The following RAB27B variants were observed in gnomAD, a reference collection of about 807,000 sequenced individuals.
The protein encoded by RAB27B is ras-related protein Rab-27B.
Under a neutral mutation model 24.6 loss-of-function variants are expected in RAB27B, and 15 were observed. That is an observed-to-expected ratio of 0.61 (90% CI 0.41 to 0.94). The LOEUF (loss-of-function observed/expected upper bound fraction) is 0.94. Ranked by LOEUF, RAB27B falls within the 40% of genes least tolerant of loss-of-function variation. The pLI is 0.00. For missense variants in RAB27B, 261 were observed against 266.8 expected (o/e 0.98, Z 0.15); for synonymous variants, 105 against 92.5 (o/e 1.14, Z -0.78).
chr18:54,810,904 C>T (rs999529716), intron 2 of RAB27B, among the ~76,000 whole-genome samples: 14 of 151,546 alleles, frequency 9.2e-5, no homozygotes, highest in Admixed American at 7.9e-4. Context: ...GTGAACCCTC[C>T]CCCTGCAATT....
intron 1 of RAB27B, among the ~76,000 whole-genome samples, chr18:54,870,522 A>G (rs886828134): frequency 6.6e-6 from 1 of 152,188 alleles, no homozygotes; most frequent in Non-Finnish European, 1.5e-5. Flanking sequence ...AAAGTGGATA[A>G]GAAAACACAA....
chr18:54,862,361 G>C (rs749984533), intron 1 of RAB27B, among the ~76,000 whole-genome samples: 2 of 152,126 alleles, frequency 1.3e-5, no homozygotes, highest in African/African-American at 2.4e-5. Context: ...GGAGAAATCC[G>C]CAAGCTATGT....
At chr18:54,823,999 A>G (rs925085126), upstream of RAB27B, among the ~76,000 whole-genome samples, 8 of 151,848 alleles carry the variant, frequency 5.3e-5, no homozygotes, top group Non-Finnish European at 8.8e-5. Flanking sequence ...TTATATGTCT[A>G]ATTGGTTTGC....
intron 1 of RAB27B, among the ~76,000 whole-genome samples, chr18:54,837,132 T>A (rs575522910): frequency 6.6e-6 from 1 of 152,284 alleles, no homozygotes; most frequent in South Asian, 2.1e-4. Context: ...CATGAGCAGA[T>A]AATTTTAATG....
intron 1 of RAB27B, among the ~76,000 whole-genome samples, chr18:54,852,927 C>A (rs750072221): frequency 1.3e-5 from 2 of 152,144 alleles, no homozygotes; most frequent in Non-Finnish European, 2.9e-5. Flanking sequence ...ACACAGACCA[C>A]AAAACCATTC....
chr18:54,892,433 G>A lies in RAB27B; in HGVS notation c.*3020G>A, dbSNP rs1257053445. ...TGCAAGGACTTTATTGGAATCTGGA[G>A]AGTTTAACTGCCTTCTCTTGGTCTC... is the stretch of plus-strand genomic sequence containing the variant. On this transcript the variant is annotated 3_prime_UTR_variant, in exon 6 of 6. Coordinates refer to ENST00000262094, the MANE Select transcript of RAB27B (RefSeq NM_004163.4). The A allele has an allele frequency of 1.3e-5, 2 of 152,068 alleles. No individual in the cohort carries two copies. The highest frequency in any genetic ancestry group is 4.8e-5 in the African/African-American group (2 of 41,430). 9.4% of individuals were successfully genotyped at this position (152,068 alleles called of 1,614,324 possible). A position where few individuals can be genotyped will look rare whatever the true frequency, so the allele number is the denominator to read the frequency against.
In RAB27B at chr18:54,866,189, G is replaced by A. The variant is rs188696832; in HGVS notation, c.-19-11378G>A. Among the ~76,000 whole-genome samples the A allele has an allele frequency of 1.6e-4, 25 of 152,304 alleles. No homozygotes were observed. The East Asian group carries it at 4.2e-3, about 26-fold the overall frequency. On this transcript the variant is annotated intron_variant, in intron 1 of 5. Coordinates refer to ENST00000262094, the MANE Select transcript of RAB27B (RefSeq NM_004163.4). ...ACCTGCTAGCAACACTGTCCTAAAGGGAAATGAAGAGCAGCTGGACTTGGA... is the reference window on the plus strand; with the variant it reads ...ACCTGCTAGCAACACTGTCCTAAAGAGAAATGAAGAGCAGCTGGACTTGGA...
intron 3 of RAB27B, among the ~76,000 whole-genome samples, chr18:54,883,958 C>G (rs1375102020): frequency 6.6e-6 from 1 of 152,054 alleles, no homozygotes; most frequent in Non-Finnish European, 1.5e-5. Flanking sequence ...TGGGCACAGA[C>G]AAGAAAGATG....
intron 2 of RAB27B, among the ~76,000 whole-genome samples, chr18:54,746,510 G>A (rs531431051): frequency 6.6e-6 from 1 of 152,258 alleles, no homozygotes; most frequent in African/African-American, 2.4e-5. Context: ...ATTTTATACA[G>A]ATCAGAGATG....
At chr18:54,811,875 A>G (rs758644156) in intron 2 of RAB27B, among the ~76,000 whole-genome samples, 37 of 152,124 alleles carry the variant, frequency 2.4e-4, no homozygotes, top group Non-Finnish European at 5.3e-4. Flanking sequence ...GGGTCTTGAG[A>G]TGTATTTTTC....
chr18:54,830,901 T>G (rs1910648599), intron 1 of RAB27B, among the ~76,000 whole-genome samples: 1 of 152,258 alleles, frequency 6.6e-6, no homozygotes, highest in Non-Finnish European at 1.5e-5. Flanking sequence ...TTTTGTCTTT[T>G]TAACTAAACA....
chr18:54,851,101 A>C lies in RAB27B; in HGVS notation c.-20+22401A>C, dbSNP rs375035808. Among the ~76,000 whole-genome samples the C allele has an allele frequency of 1.3e-5, 2 of 152,130 alleles. 1 individual carries two copies. The highest frequency in any genetic ancestry group is 4.1e-4 in the South Asian group (2 of 4,826). The stretch of plus-strand genomic sequence containing the variant: ...ATTTGAGTTATAGTCCGGCAACTCA[A>C]CAAGTGTTTGTTAATATTCTATATA... On this transcript the variant is annotated intron_variant, in intron 1 of 5. Coordinates refer to ENST00000262094, the MANE Select transcript of RAB27B (RefSeq NM_004163.4).
intron 1 of RAB27B, among the ~76,000 whole-genome samples, chr18:54,843,217 A>G (rs894754131): frequency 6.6e-6 from 1 of 152,230 alleles, no homozygotes; most frequent in Non-Finnish European, 1.5e-5. Flanking sequence ...ACCTGCATGG[A>G]ATTTTTAGTA....
intron 2 of RAB27B, among the ~76,000 whole-genome samples, chr18:54,800,911 G>A (rs1048897763): frequency 6.6e-6 from 1 of 151,724 alleles, no homozygotes. Context: ...AATCTGCAAT[G>A]GCAAACCATC....
intron 1 of RAB27B, among the ~76,000 whole-genome samples, chr18:54,837,328 A>G (rs888171063): frequency 1.3e-5 from 2 of 152,272 alleles, no homozygotes; most frequent in African/African-American, 2.4e-5. Context: ...GAGGGTGGGC[A>G]TTAACCAGAC....
intron 2 of RAB27B, among the ~76,000 whole-genome samples, chr18:54,718,967 G>A (rs371993402): frequency 6.6e-5 from 10 of 152,248 alleles, no homozygotes; most frequent in African/African-American, 2.4e-4. Flanking sequence ...TATACATTAT[G>A]CCAAAATGTA....
At chr18:54,748,452 A>T (rs934658643) in intron 2 of RAB27B, among the ~76,000 whole-genome samples, 2 of 152,202 alleles carry the variant, frequency 1.3e-5, no homozygotes, top group African/African-American at 2.4e-5. Context: ...TCAAGTTTAC[A>T]TTGATTTAAA....
chr18:54,796,091 G>A (rs1457722705), intron 2 of RAB27B, among the ~76,000 whole-genome samples: 3 of 152,132 alleles, frequency 2.0e-5, no homozygotes, highest in African/African-American at 2.4e-5. Context: ...AAATGGGAGA[G>A]TTTCCTCATC....
intron 4 of RAB27B, among the ~76,000 whole-genome samples, chr18:54,885,389 AAG>A (rs1375083266): frequency 6.6e-6 from 1 of 152,094 alleles, no homozygotes; most frequent in Non-Finnish European, 1.5e-5. Context: ...ACTTACCTAC[AAG>A]GTCACTGTGA....
Sources: gnomAD v4.1 joint callset for allele counts (sites outside exome capture counted in the v4.1 genomes callset) on GRCh38, gnomAD v4.1.1 for gene constraint, MANE v1.5 for transcripts, NCBI Gene and HGNC (gene_info 2026-07-23, HGNC 2026-07-21) for gene names.